MCTP2: variants seen among roughly 807,000 people sequenced by gnomAD.
MCTP2 encodes the protein multiple C2 and transmembrane domain containing 2.
MCTP2 carries 132 observed loss-of-function variants against 111.6 expected under a neutral mutation model. The ratio of observed to expected loss-of-function variants is 1.18; its 90% CI spans 1.03 to 1.37. The LOEUF (loss-of-function observed/expected upper bound fraction) is 1.37. Ranked by LOEUF, MCTP2 falls within the 40% of genes most tolerant of loss-of-function variation. The pLI is 0.00. For missense variants in MCTP2, 1,183 were observed against 1,067.9 expected (o/e 1.11, Z -1.50); for synonymous variants, 395 against 387.7 (o/e 1.02, Z -0.22).
intron 7 of MCTP2, among the ~76,000 whole-genome samples, chr15:94,344,383 G>T (rs1049451572): frequency 2.0e-5 from 3 of 152,146 alleles, no homozygotes; most frequent in Admixed American, 6.5e-5. Context: ...TAATTGAGTT[G>T]TAACCTCCCA....
chr15:94,411,553 G>A (rs536717050), intron 17 of MCTP2, among the ~76,000 whole-genome samples: 2 of 152,266 alleles, frequency 1.3e-5, no homozygotes, highest in African/African-American at 4.8e-5. Context: ...TGATGTTTAT[G>A]GAGAGAAGCC....
chr15:94,390,049 CATATATATAT>C (rs1169783409), intron 14 of MCTP2, among the ~76,000 whole-genome samples: 1,466 of 109,534 alleles, frequency 0.013, 26 homozygotes, highest in Middle Eastern at 0.049. Context: ...ATGTTCAAGG[CATATATATAT>C]ATATATATAT....
intron 17 of MCTP2, among the ~76,000 whole-genome samples, chr15:94,411,284 CTTTTTTT>C (rs111921100): frequency 7.2e-6 from 1 of 139,258 alleles, no homozygotes; most frequent in East Asian, 2.1e-4. Context: ...TTTGATATTG[CTTTTTTT>C]TTTTTTTTCT....
At chr15:94,310,349 CAG>C (rs1388870029) in intron 2 of MCTP2, among the ~76,000 whole-genome samples, 10 of 152,248 alleles carry the variant, frequency 6.6e-5, no homozygotes, top group Admixed American at 6.5e-4. Context: ...TGGAATAGCA[CAG>C]AGGCATTTTT....
chr15:94,476,755 C>G lies in MCTP2; in HGVS notation c.2530C>G (p.Leu844Val), dbSNP rs771529939. The G allele has an allele frequency of 1.3e-5, 21 of 1,609,102 alleles. No individual in the cohort carries two copies. The highest frequency in any genetic ancestry group is 1.7e-5 in the Non-Finnish European group (20 of 1,175,636). ...NPYSIDNNEL[L>V]DFLSRVPSDV... ...CTATTCCATCGACAATAATGAGCTACTAGACTTCCTCTCTAGGGTACCGTC... is the reference window on the plus strand; with the variant it reads ...CTATTCCATCGACAATAATGAGCTAGTAGACTTCCTCTCTAGGGTACCGTC... The change falls in exon 22 of 23, where the codon CTA (leucine) becomes GTA (valine). Residue 844 changes from leucine (L) to valine (V), a missense_variant. Transcript: ENST00000357742.
At chr15:94,434,201 G>T (rs1383003383) in intron 17 of MCTP2, among the ~76,000 whole-genome samples, 1 of 151,570 alleles carries the variant, frequency 6.6e-6, no homozygotes, top group African/African-American at 2.4e-5. Flanking sequence ...CTCTAGGCTT[G>T]AGTGATTTCT....
chr15:94,378,077 T>C (rs1040524987), intron 12 of MCTP2, among the ~76,000 whole-genome samples: 1 of 151,984 alleles, frequency 6.6e-6, no homozygotes, highest in Non-Finnish European at 1.5e-5. Context: ...AATGATATGA[T>C]CCGATATAAA....
chr15:94,312,823 C>T (rs554728284), intron 2 of MCTP2, among the ~76,000 whole-genome samples: 1 of 152,290 alleles, frequency 6.6e-6, no homozygotes, highest in East Asian at 1.9e-4. Flanking sequence ...TCCTTGTTTG[C>T]AGCTCCTCAC....
intron 2 of MCTP2, among the ~76,000 whole-genome samples, chr15:94,306,622 TTGAA>T (rs1188102594): frequency 6.6e-6 from 1 of 152,208 alleles, no homozygotes; most frequent in Non-Finnish European, 1.5e-5. Context: ...ATTATCAAGA[TTGAA>T]TGGGCTCATT....
rs1224054439 is a variant in MCTP2 at position 94,243,294 on chromosome 15, CATAT to C, written c.-66+11634_-66+11637del. ...ATGCGTACATACGTATGCGTATATG[CATAT>C]ATACATACATACGTATGCGTACATA... is the stretch of plus-strand genomic sequence containing the variant. On this transcript the variant is annotated intron_variant, in intron 1 of 22. Coordinates refer to ENST00000357742, the MANE Select transcript of MCTP2 (RefSeq NM_001385001.1). Among the ~76,000 whole-genome samples, 52 of 146,092 alleles carry C rather than the reference CATAT, an allele frequency of 3.6e-4. 1 individual carries two copies. The highest frequency in any genetic ancestry group is 9.9e-4 in the African/African-American group (39 of 39,206).
chr15:94,324,072 C>A (rs1408949618), intron 4 of MCTP2, among the ~76,000 whole-genome samples: 2 of 152,196 alleles, frequency 1.3e-5, no homozygotes, highest in Non-Finnish European at 2.9e-5. Flanking sequence ...TGTGAGCAAT[C>A]GCCTTTAATT....
At chr15:94,469,301 A>C (rs543082679) in intron 20 of MCTP2, among the ~76,000 whole-genome samples, 3 of 152,266 alleles carry the variant, frequency 2.0e-5, no homozygotes, top group South Asian at 2.1e-4. Flanking sequence ...ATGCACATGA[A>C]TCTCTACAAT....
chr15:94,258,935 T>A (rs2073016060), intron 1 of MCTP2, among the ~76,000 whole-genome samples: 1 of 152,226 alleles, frequency 6.6e-6, no homozygotes, highest in African/African-American at 2.4e-5. Flanking sequence ...TATATAAGTT[T>A]ACATATTTAC....
At chr15:94,254,335 C>T (rs901147156) in intron 1 of MCTP2, among the ~76,000 whole-genome samples, 3 of 152,128 alleles carry the variant, frequency 2.0e-5, no homozygotes, top group Non-Finnish European at 4.4e-5. Context: ...GCAATCTAGC[C>T]TAAGGTATAA....
chr15:94,452,333 A>C (rs1038790083), intron 19 of MCTP2, among the ~76,000 whole-genome samples: 2 of 152,232 alleles, frequency 1.3e-5, no homozygotes, highest in Non-Finnish European at 2.9e-5. Flanking sequence ...TAGGATGATT[A>C]AAATGATAGA....
intron 1 of MCTP2, among the ~76,000 whole-genome samples, chr15:94,267,715 C>T (rs990099488): frequency 1.3e-5 from 2 of 151,898 alleles, no homozygotes; most frequent in African/African-American, 2.4e-5. Flanking sequence ...ATGAGAATTC[C>T]GCTTTCTCCT....
rs28542532 is a variant in MCTP2 at position 94,369,571 on chromosome 15, T to G, written c.1489-516T>G. Among the ~76,000 whole-genome samples the G allele has an allele frequency of 7.8e-4, 119 of 152,270 alleles. 1 individual carries two copies. The highest frequency in any genetic ancestry group is 2.6e-3 in the African/African-American group (106 of 41,524). ...TGGTACTAGATACTTAATCTCTAAT[T>G]CAATGAGCTAGCTAAAACAGACCAG... On this transcript the variant is annotated intron_variant, in intron 11 of 22. Coordinates refer to ENST00000357742, the MANE Select transcript of MCTP2 (RefSeq NM_001385001.1).
chr15:94,340,498 T>G (rs2077578075), intron 6 of MCTP2, among the ~76,000 whole-genome samples: 1 of 152,208 alleles, frequency 6.6e-6, no homozygotes, highest in Non-Finnish European at 1.5e-5. Context: ...CATTCTAAAG[T>G]GTGTATTGGA....
intron 12 of MCTP2, among the ~76,000 whole-genome samples, chr15:94,381,091 C>T (rs555459472): frequency 2.6e-5 from 4 of 152,292 alleles, no homozygotes; most frequent in African/African-American, 9.6e-5. Context: ...AAAGCACGGC[C>T]TCAAATGTAT....
Sources: allele counts gnomAD v4.1 joint callset (sites outside exome capture counted in the v4.1 genomes callset), GRCh38; gene constraint gnomAD v4.1.1; transcripts MANE v1.5; gene names NCBI Gene and HGNC (gene_info 2026-07-23, HGNC 2026-07-21).